BOLL: variants seen among roughly 807,000 people sequenced by gnomAD.
The protein encoded by BOLL is protein boule-like.
BOLL carries 23 observed loss-of-function variants against 44.4 expected under a neutral mutation model. The ratio of observed to expected loss-of-function variants is 0.52; its 90% CI spans 0.37 to 0.73. The LOEUF (loss-of-function observed/expected upper bound fraction) is 0.73, where lower values mean the gene tolerates loss of function less well. Among genes scored for constraint, BOLL ranks in the 30% least tolerant of loss-of-function variants. BOLL has a pLI of 0.00. For synonymous variants in BOLL, 97 were observed against 110.8 expected (o/e 0.88, Z 0.78); for missense variants, 287 against 338.3 (o/e 0.85, Z 1.19).
At position 197,728,549 on chromosome 2, in the gene BOLL, A is replaced by G. The variant is rs747184166; in HGVS notation, c.*6T>C. The G allele has an allele frequency of 2.4e-5, 38 of 1,613,638 alleles. No individual in the cohort carries two copies. In the East Asian group the frequency reaches 8.5e-4, roughly 36 times the overall value. The stretch of plus-strand genomic sequence containing the variant: ...AGTTGAGCTGGAATAGAGCTGCCCA[A>G]TTGTCTTAATAATGAATGCTCCACA... On this transcript the variant is annotated 3_prime_UTR_variant, in exon 11 of 11. Transcript: ENST00000392296.
intron 10 of BOLL, among the ~76,000 whole-genome samples, chr2:197,742,615 G>C (rs1246189901): frequency 6.6e-6 from 1 of 151,768 alleles, no homozygotes; most frequent in African/African-American, 2.4e-5. Flanking sequence ...ATTGAACAAT[G>C]AGAACACATG....
upstream of BOLL, chr2:197,785,398 G>A: frequency 1.0e-6 from 1 of 985,122 alleles, no homozygotes; most frequent in Non-Finnish European, 1.2e-6. The surrounding 1 kb of genome is among the most constrained non-coding windows in gnomAD (Gnocchi z 6.7). Context: ...CGTTGCCGCT[G>A]CGCCTCGGGC....
chr2:197,767,755 A>G (rs1689058722), intron 6 of BOLL, among the ~76,000 whole-genome samples: 1 of 151,962 alleles, frequency 6.6e-6, no homozygotes, highest in South Asian at 2.1e-4. Flanking sequence ...TCTGGCTCAA[A>G]ATGTCAACAG....
At position 197,758,273 on chromosome 2, in the gene BOLL, G is replaced by A. The variant is rs377167570; in HGVS notation, c.553-873C>T. 6.6e-5 allele frequency among the ~76,000 whole-genome samples: 10 copies of A among 152,136 alleles called. No homozygotes were observed. The East Asian group carries it at 1.9e-3, about 29-fold the overall frequency. ...TCAAGTGTCCATCATCTGATGAATG[G>A]ATAAACAGAATGTGGTACAGTGTAT... On this transcript the variant is annotated intron_variant, in intron 7 of 10. Transcript: ENST00000392296.
At chr2:197,765,169 G>A (rs1688934598) in intron 7 of BOLL, among the ~76,000 whole-genome samples, 1 of 151,994 alleles carries the variant, frequency 6.6e-6, no homozygotes, top group Non-Finnish European at 1.5e-5. Flanking sequence ...ATGGACTTTG[G>A]AGACTTAGGG....
chr2:197,760,204 G>A (rs1378623298), intron 7 of BOLL, among the ~76,000 whole-genome samples: 2 of 152,138 alleles, frequency 1.3e-5, no homozygotes, highest in South Asian at 2.1e-4. Flanking sequence ...GATCCACCCT[G>A]TGCCTATGTC....
intron 4 of BOLL, among the ~76,000 whole-genome samples, chr2:197,776,682 C>CT (rs557018352): frequency 3.8e-4 from 57 of 151,924 alleles, no homozygotes; most frequent in African/African-American, 1.2e-3. Context: ...TGGCTATAGG[C>CT]TTTTTTTCTG....
At chr2:197,764,401 T>C (rs1178527690) in intron 7 of BOLL, among the ~76,000 whole-genome samples, 1 of 152,202 alleles carries the variant, frequency 6.6e-6, no homozygotes, top group Non-Finnish European at 1.5e-5. Context: ...TGGATGGAAC[T>C]GGAGGTCATT....
Position 197,778,966 on chromosome 2 carries a change from G to T in BOLL, c.221+9C>A. ...GCTAATTCCATAGACAATCTATAGT[G>T]ATACTAACCCTTTGGATACTCCAGC... On this transcript the variant is annotated intron_variant, in intron 3 of 10. Coordinates refer to ENST00000392296, the MANE Select transcript of BOLL (RefSeq NM_033030.6). 6.3e-7 allele frequency: 1 copy of T among 1,598,910 alleles called. No individual in the cohort carries two copies. Among genetic ancestry groups the T allele is most frequent in the South Asian group, 1.1e-5 (1 of 89,850 alleles).
chr2:197,778,904 G>A, intron 3 of BOLL, 71 bp downstream of exon 3: 3 of 1,299,238 alleles, frequency 2.3e-6, no homozygotes, highest in Non-Finnish European at 3.3e-6. Context: ...AAAGTAAACT[G>A]GCGTACAAAA....
intron 10 of BOLL, among the ~76,000 whole-genome samples, chr2:197,735,450 T>G (rs944890557): frequency 1.3e-5 from 2 of 152,170 alleles, no homozygotes; most frequent in Non-Finnish European, 2.9e-5. Context: ...CTCAGTCTTT[T>G]TTGATTCTAC....
chr2:197,754,711 C>G (rs540497747), intron 9 of BOLL, among the ~76,000 whole-genome samples: 109 of 147,554 alleles, frequency 7.4e-4, no homozygotes, highest in Non-Finnish European at 8.6e-4. Flanking sequence ...AAGACTCCGT[C>G]TCAAAAAACA....
chr2:197,756,597 T>C (rs1574837706), intron 8 of BOLL, 41 bp from the exon 9 acceptor site: 1 of 1,529,664 alleles, frequency 6.5e-7, no homozygotes, highest in Non-Finnish European at 8.8e-7. Context: ...ATATGATTAG[T>C]TATTTCTGTT....
chr2:197,729,679 G>A (rs1687053402), intron 10 of BOLL, among the ~76,000 whole-genome samples: 1 of 152,182 alleles, frequency 6.6e-6, no homozygotes, highest in Non-Finnish European at 1.5e-5. Flanking sequence ...AGCCTAACTG[G>A]GAGGCACCCC....
intron 10 of BOLL, 71 bp downstream of exon 10, chr2:197,742,990 G>A (rs1342722521): frequency 1.8e-5 from 22 of 1,225,064 alleles, no homozygotes; most frequent in Non-Finnish European, 2.5e-5. Context: ...TTCCTTTCTA[G>A]AAGAGAAAGT....
At chr2:197,771,496 A>T (rs1040119950) in intron 6 of BOLL, among the ~76,000 whole-genome samples, 3 of 151,936 alleles carry the variant, frequency 2.0e-5, no homozygotes, top group African/African-American at 4.8e-5. Context: ...TAAAGTATAT[A>T]AAAAAAAGAA....
At chr2:197,732,543 T>C (rs1687242434) in intron 10 of BOLL, among the ~76,000 whole-genome samples, 1 of 151,786 alleles carries the variant, frequency 6.6e-6, no homozygotes, top group South Asian at 2.1e-4. Flanking sequence ...TTGATGAACA[T>C]TGATGCAAAA....
intron 10 of BOLL, among the ~76,000 whole-genome samples, chr2:197,732,943 G>T (rs1192629195): frequency 7.8e-5 from 11 of 140,384 alleles, no homozygotes; most frequent in South Asian, 2.4e-4. Flanking sequence ...TCAACATAGT[G>T]TTGGAAGTTC....
chr2:197,759,793 G>A (rs1197938834), intron 7 of BOLL, among the ~76,000 whole-genome samples: 1 of 152,190 alleles, frequency 6.6e-6, no homozygotes, highest in African/African-American at 2.4e-5. Context: ...CTCAAGCCTC[G>A]TAGTAGCTGA....
Sources: allele counts gnomAD v4.1 joint callset (sites outside exome capture counted in the v4.1 genomes callset), GRCh38; gene constraint gnomAD v4.1.1; non-coding constraint Gnocchi (gnomAD v3.1); transcripts MANE v1.5; gene names NCBI Gene and HGNC (gene_info 2026-07-23, HGNC 2026-07-21).